Variants in KIAA1210 observed in about 807,000 individuals in gnomAD.
KIAA1210 encodes the protein KIAA1210.
Under a neutral mutation model 78.9 loss-of-function variants are expected in KIAA1210, and 48 were observed. That is an observed-to-expected ratio of 0.61 (90% CI 0.48 to 0.77). The LOEUF (loss-of-function observed/expected upper bound fraction) is 0.77. Ranked by LOEUF, KIAA1210 falls within the 30% of genes least tolerant of loss-of-function variation. The pLI, the probability that KIAA1210 is intolerant of heterozygous loss-of-function variation, is 0.00. For synonymous variants in KIAA1210, 406 were observed against 404.5 expected, an observed-to-expected ratio of 1.00 and a Z score of -0.04; for missense variants, 1,108 against 1,100.0, an observed-to-expected ratio of 1.01 and a Z score of -0.10.
intron 6 of KIAA1210, among the ~76,000 whole-genome samples, chrX:119,097,361 T>C (rs1271490703): frequency 2.7e-5 from 3 of 111,044 alleles, no homozygotes; most frequent in African/African-American, 9.8e-5. Flanking sequence ...GTTGAATTCC[T>C]CTGTAGGATC....
At chrX:119,124,880 C>A (rs1230233365) in intron 1 of KIAA1210, among the ~76,000 whole-genome samples, 1 of 106,208 alleles carries the variant, frequency 9.4e-6, no homozygotes, top group Non-Finnish European at 1.9e-5. Context: ...CAGAGCAGGA[C>A]CCTGTCTCAA....
chrX:119,095,423 C>A (rs139169217), intron 7 of KIAA1210, among the ~76,000 whole-genome samples: 2,948 of 110,959 alleles, frequency 0.027, 121 homozygotes, highest in African/African-American at 0.092. Context: ...CGGAGTTTTG[C>A]TCTTGTCCAG....
At chrX:119,102,043 T>C (rs1474550023) in intron 6 of KIAA1210, among the ~76,000 whole-genome samples, 2 of 112,934 alleles carry the variant, frequency 1.8e-5, no homozygotes, top group Non-Finnish European at 3.7e-5. Context: ...CTGTCGTTGC[T>C]ATTGCTGGGC....
intron 2 of KIAA1210, among the ~76,000 whole-genome samples, chrX:119,121,100 A>G (rs1205154835): frequency 9.0e-6 from 1 of 111,515 alleles, no homozygotes; most frequent in Non-Finnish European, 1.9e-5. Context: ...AAAGCTGGGT[A>G]CTGTCCATGT....
chrX:119,131,179 G>A (rs138421931), upstream of KIAA1210, among the ~76,000 whole-genome samples: 241 of 112,066 alleles, frequency 2.2e-3, 3 homozygotes, highest in African/African-American at 7.6e-3. Flanking sequence ...ATTTCACAGA[G>A]TCTGCGGTAA....
chrX:119,085,119 C>A (rs1927087764), intron 10 of KIAA1210, among the ~76,000 whole-genome samples: 1 of 112,254 alleles, frequency 8.9e-6, no homozygotes, highest in South Asian at 3.7e-4. Flanking sequence ...TGAGCTCAAG[C>A]AATCCACCTG....
In KIAA1210 at chrX:119,089,685, C is replaced by T. The variant is rs755585183; in HGVS notation, c.1017G>A (p.Gln339=). The T allele has an allele frequency of 5.8e-6, 7 of 1,211,055 alleles. No homozygotes were observed. In the Admixed American group the frequency reaches 1.5e-4, roughly 26 times the overall value. ...TEMYDKKTTD[Q]APNTDASRSQ... ...TCCGAGAAGCATCAGTGTTTGGAGC[C>T]TGGTCTGTTGTCTTCTTATCATACA... The change falls in exon 9 of 12, where the codon CAG becomes CAA. Residue 339 remains glutamine (Q), a synonymous_variant. Coordinates refer to ENST00000691062, the MANE Select transcript of KIAA1210 (RefSeq NM_001394962.1).
intron 7 of KIAA1210, chrX:119,094,102 A>G (rs1466722648): frequency 8.7e-7 from 1 of 1,148,490 alleles, no homozygotes; most frequent in Admixed American, 2.2e-5. Flanking sequence ...CGAATCTGAA[A>G]ACGGGGTCAT....
chrX:119,130,166 G>A (rs902180135), upstream of KIAA1210, among the ~76,000 whole-genome samples: 2 of 112,071 alleles, frequency 1.8e-5, no homozygotes, highest in Non-Finnish European at 3.8e-5. Context: ...CAAGATAAAA[G>A]CCAAGTTCTT....
chrX:119,140,996 G>A (rs753556811), intron 2 of KIAA1210, among the ~76,000 whole-genome samples: 1 of 112,402 alleles, frequency 8.9e-6, no homozygotes, highest in Admixed American at 9.4e-5. Flanking sequence ...TATCACAAAT[G>A]AACAGTGAAC....
intron 6 of KIAA1210, among the ~76,000 whole-genome samples, chrX:119,104,632 T>A (rs1927831819): frequency 8.9e-6 from 1 of 112,095 alleles, no homozygotes; most frequent in Non-Finnish European, 1.9e-5. Context: ...ATTTTTCACA[T>A]GGATATGTGT....
intron 5 of KIAA1210, 68 bp from the exon 6 acceptor site, chrX:119,105,215 T>G: frequency 9.7e-7 from 1 of 1,033,155 alleles, no homozygotes; most frequent in Non-Finnish European, 1.3e-6. Flanking sequence ...AGTGGTTTTC[T>G]CTTATTCTTT....
intron 2 of KIAA1210, among the ~76,000 whole-genome samples, chrX:119,117,664 G>A (rs1226871844): frequency 9.3e-6 from 1 of 107,973 alleles, no homozygotes; most frequent in East Asian, 2.9e-4. Flanking sequence ...CACCTCCTGG[G>A]CTCAAGCCAT....
intron 1 of KIAA1210, among the ~76,000 whole-genome samples, chrX:119,148,038 G>T (rs1929209903): frequency 9.0e-6 from 1 of 111,168 alleles, no homozygotes; most frequent in African/African-American, 3.3e-5. Flanking sequence ...TACTTGGGAG[G>T]CTGAGGCAGG....
At chrX:119,117,469 G>A (rs1928308767) in intron 2 of KIAA1210, among the ~76,000 whole-genome samples, 1 of 111,496 alleles carries the variant, frequency 9.0e-6, no homozygotes, top group South Asian at 3.8e-4. Flanking sequence ...CTTTGCACAT[G>A]CAGATAAATG....
intron 1 of KIAA1210, among the ~76,000 whole-genome samples, chrX:119,125,187 A>G (rs1928590305): frequency 9.0e-6 from 1 of 111,656 alleles, no homozygotes; most frequent in Non-Finnish European, 1.9e-5. Context: ...GATTGTCAAA[A>G]TCCTTAATTT....
intron 6 of KIAA1210, among the ~76,000 whole-genome samples, chrX:119,100,172 C>A (rs915140505): frequency 2.4e-4 from 26 of 106,330 alleles, no homozygotes; most frequent in Non-Finnish European, 4.7e-4. Context: ...AACACACACA[C>A]AAAAAAAAAT....
chrX:119,080,710 G>A lies in KIAA1210; in HGVS notation c.*619C>T, dbSNP rs767986239. The A allele has an allele frequency of 3.6e-5, 4 of 112,340 alleles. No homozygotes were observed. The highest frequency in any genetic ancestry group is 9.7e-5 in the African/African-American group (3 of 31,006). 9.3% of individuals were successfully genotyped at this position (112,340 alleles called of 1,213,427 possible). A position where few individuals can be genotyped will look rare whatever the true frequency, so the allele number is the denominator to read the frequency against. On this transcript the variant is annotated 3_prime_UTR_variant, in exon 12 of 12. Coordinates refer to ENST00000691062, the MANE Select transcript of KIAA1210 (RefSeq NM_001394962.1). ...TTTGCAATTTTACAGCAGTGCAAAT[G>A]TTTTCGATAGTTTTAATAGAGGAAA... is the stretch of plus-strand genomic sequence containing the variant.
chrX:119,127,772 G>T lies in KIAA1210; in HGVS notation c.-56C>A, dbSNP rs1246401376. On this transcript the variant is annotated 5_prime_UTR_variant, in exon 1 of 12. Coordinates refer to ENST00000691062, the MANE Select transcript of KIAA1210 (RefSeq NM_001394962.1). ...CTATTCTCGTGAGCTCTCCAATCAG[G>T]CTTCCAAACTGAACTGCTTCCAAGC... is the stretch of plus-strand genomic sequence containing the variant. Among the ~76,000 whole-genome samples the T allele has an allele frequency of 8.9e-6, 1 of 111,972 alleles. No individual in the cohort carries two copies. Among genetic ancestry groups the T allele is most frequent in the African/African-American group, 3.2e-5 (1 of 30,776 alleles).
Sources: gnomAD v4.1 joint callset for allele counts (sites outside exome capture counted in the v4.1 genomes callset) on GRCh38, gnomAD v4.1.1 for gene constraint, MANE v1.5 for transcripts, NCBI Gene and HGNC (gene_info 2026-07-23, HGNC 2026-07-21) for gene names.